Variants in FRMD6 observed in about 807,000 individuals in gnomAD.
FRMD6 encodes FERM domain-containing protein 6.
Under a neutral mutation model 73.2 loss-of-function variants are expected in FRMD6, and 37 were observed. The observed-to-expected ratio is 0.51, with a 90% CI of 0.39 to 0.66. The LOEUF is 0.66. FRMD6 is among the 30% of genes least tolerant of loss of function. FRMD6 has a pLI of 0.00. For missense variants in FRMD6, 714 were observed against 780.5 expected, an observed-to-expected ratio of 0.91 and a Z score of 1.02; for synonymous variants, 273 against 282.2, an observed-to-expected ratio of 0.97 and a Z score of 0.33.
intron 2 of FRMD6, among the ~76,000 whole-genome samples, chr14:51,693,535 T>TGTGAA (rs1895745971): frequency 6.6e-6 from 1 of 152,226 alleles, no homozygotes. Context: ...TTTCCTCATT[T>TGTGAA]GTGAAGTAGG....
intron 1 of FRMD6, among the ~76,000 whole-genome samples, chr14:51,567,128 A>G (rs541740765): frequency 6.6e-6 from 1 of 152,350 alleles, no homozygotes; most frequent in Admixed American, 6.5e-5. Flanking sequence ...ATGCAGAAAC[A>G]TAGGCCAGTT....
chr14:51,438,584 T>G, the FRMD6 span, among the ~76,000 whole-genome samples: 3 of 152,228 alleles, frequency 2.0e-5, no homozygotes, highest in Non-Finnish European at 4.4e-5. Flanking sequence ...CTCAGGGCTA[T>G]GTGGATTTAG....
intron 2 of FRMD6, among the ~76,000 whole-genome samples, chr14:51,617,052 CT>C (rs1890744457): frequency 6.6e-6 from 1 of 152,198 alleles, no homozygotes; most frequent in Non-Finnish European, 1.5e-5. Context: ...TACAAAGCTT[CT>C]ATTAAAGCAT....
chr14:51,423,667 T>C, the FRMD6 span, among the ~76,000 whole-genome samples: 2 of 152,244 alleles, frequency 1.3e-5, no homozygotes, highest in Non-Finnish European at 2.9e-5. Context: ...CGGAAGGTTC[T>C]GCAGCTTGTC....
At chr14:51,639,451 T>A (rs188145249) in intron 2 of FRMD6, among the ~76,000 whole-genome samples, 1,702 of 151,992 alleles carry the variant, frequency 0.011, 73 homozygotes, top group Admixed American at 0.081. Context: ...AAAAAATAAT[T>A]ATTATTATTA....
At chr14:51,586,938 G>A (rs1187515007) in intron 2 of FRMD6, among the ~76,000 whole-genome samples, 1 of 152,054 alleles carries the variant, frequency 6.6e-6, no homozygotes, top group African/African-American at 2.4e-5. Context: ...TTTAGAGACA[G>A]AGTCTCGCCA....
chr14:51,553,195 C>A (rs556297921), intron 1 of FRMD6, among the ~76,000 whole-genome samples: 1 of 152,138 alleles, frequency 6.6e-6, no homozygotes, highest in Non-Finnish European at 1.5e-5. Context: ...TTAAAAAGGA[C>A]GCAAATGTCA....
chr14:51,613,245 C>T (rs1890582430), intron 2 of FRMD6, among the ~76,000 whole-genome samples: 1 of 152,088 alleles, frequency 6.6e-6, no homozygotes, highest in African/African-American at 2.4e-5. Flanking sequence ...TGACAATAAT[C>T]TAGGCATTGG....
At chr14:51,697,473 A>G (rs924751845) in intron 2 of FRMD6, among the ~76,000 whole-genome samples, 4 of 152,140 alleles carry the variant, frequency 2.6e-5, no homozygotes, top group African/African-American at 9.7e-5. Context: ...GAATAGAATG[A>G]TGGTTACCTG....
chr14:51,433,353 T>C, the FRMD6 span, among the ~76,000 whole-genome samples: 1 of 152,184 alleles, frequency 6.6e-6, no homozygotes, highest in African/African-American at 2.4e-5. Context: ...GAGTACTATA[T>C]ATCTGTAAAA....
intron 1 of FRMD6, among the ~76,000 whole-genome samples, chr14:51,496,649 A>G (rs1247594399): frequency 6.6e-6 from 1 of 152,250 alleles, no homozygotes; most frequent in Non-Finnish European, 1.5e-5. Context: ...TAAAACAAGT[A>G]AAAAAGGTTA....
At chr14:51,614,570 G>T (rs181100795) in intron 2 of FRMD6, among the ~76,000 whole-genome samples, 9 of 152,098 alleles carry the variant, frequency 5.9e-5, no homozygotes, top group Admixed American at 4.6e-4. Flanking sequence ...ATTGTTTTTT[G>T]TGGTCTCTTT....
the FRMD6 span, among the ~76,000 whole-genome samples, chr14:51,443,822 G>T: frequency 6.6e-6 from 1 of 152,156 alleles, no homozygotes; most frequent in Admixed American, 6.5e-5. Flanking sequence ...CCAGAACAAG[G>T]CTTATCTCCA....
chr14:51,418,938 C>T, the FRMD6 span, among the ~76,000 whole-genome samples: 1 of 152,236 alleles, frequency 6.6e-6, no homozygotes, highest in Non-Finnish European at 1.5e-5. Context: ...TCTCAGACTG[C>T]TGCGCTAGAA....
intron 2 of FRMD6, among the ~76,000 whole-genome samples, chr14:51,605,776 C>T (rs1482960022): frequency 1.3e-5 from 2 of 152,072 alleles, no homozygotes; most frequent in African/African-American, 2.4e-5. Flanking sequence ...CATTTTGAGA[C>T]CTGTTGAAAG....
At chr14:51,480,747 C>T in the FRMD6 span, among the ~76,000 whole-genome samples, 5 of 152,090 alleles carry the variant, frequency 3.3e-5, no homozygotes, top group African/African-American at 9.7e-5. Context: ...ATAATAATAG[C>T]ATCTACCTCA....
chr14:51,659,504 T>C (rs920644183), intron 1 of FRMD6, among the ~76,000 whole-genome samples: 1 of 152,242 alleles, frequency 6.6e-6, no homozygotes, highest in African/African-American at 2.4e-5. Flanking sequence ...GGCAAGTCTG[T>C]GTTGCTGCAG....
At chr14:51,611,544 GT>G (rs966733122) in intron 2 of FRMD6, among the ~76,000 whole-genome samples, 2 of 152,170 alleles carry the variant, frequency 1.3e-5, no homozygotes, top group Non-Finnish European at 2.9e-5. Context: ...GAGAATCACT[GT>G]TTTTTCTCAT....
intron 2 of FRMD6, chr14:51,570,453 A>G (rs1177086563): frequency 1.3e-5 from 2 of 152,230 alleles, no homozygotes; most frequent in African/African-American, 4.8e-5. Flanking sequence ...GTTTCAAAAA[A>G]CAAAAACCGA....
Sources: allele counts gnomAD v4.1 joint callset (sites outside exome capture counted in the v4.1 genomes callset), GRCh38; gene constraint gnomAD v4.1.1; transcripts MANE v1.5; gene names NCBI Gene and HGNC (gene_info 2026-07-23, HGNC 2026-07-21).